Variants in ZNF394 observed in about 807,000 individuals in gnomAD.
ZNF394 encodes the protein zinc finger protein 99.
In ZNF394, 19 loss-of-function variants were observed where a neutral mutation model predicts 21.8. The observed-to-expected ratio is 0.87, with a 90% CI of 0.61 to 1.28. The LOEUF (loss-of-function observed/expected upper bound fraction) is 1.28. Ranked by LOEUF, ZNF394 falls within the 50% of genes most tolerant of loss-of-function variation. The pLI, the probability that ZNF394 is intolerant of heterozygous loss-of-function variation, is 0.00. For synonymous variants in ZNF394, 294 were observed against 273.3 expected (o/e 1.08, Z -0.75); for missense variants, 683 against 708.6 (o/e 0.96, Z 0.41).
chr7:99,492,273 A>C (rs577348213), downstream of ZNF394, among the ~76,000 whole-genome samples: 9 of 152,246 alleles, frequency 5.9e-5, no homozygotes, highest in Non-Finnish European at 1.3e-4. Context: ...TCTAAGGCCA[A>C]AGGCAAATTT....
chr7:99,490,100 A>C (rs1234995566), downstream of ZNF394, among the ~76,000 whole-genome samples: 1 of 150,812 alleles, frequency 6.6e-6, no homozygotes, highest in African/African-American at 2.4e-5. Context: ...GGATCACTTC[A>C]ACCCAGGAGT....
intron 1 of ZNF394, 32 bp downstream of exon 1, chr7:99,499,606 C>T (rs368071333): frequency 1.3e-6 from 2 of 1,530,604 alleles, no homozygotes; most frequent in African/African-American, 2.8e-5. Context: ...TTTCCACACT[C>T]CCACCTCCAG....
At chr7:99,494,946 G>T (rs528457524) in intron 2 of ZNF394, among the ~76,000 whole-genome samples, 1 of 152,056 alleles carries the variant, frequency 6.6e-6, no homozygotes, top group South Asian at 2.1e-4. Flanking sequence ...TGTTGGCCAG[G>T]ATGGTCTCTA....
chr7:99,493,497 T>A lies in ZNF394; in HGVS notation c.*32A>T. ...GTTTCAAACTCCTGATCTCAAATGA[T>A]CTGCCTGCCTTGGCCTCCCAAAGTG... On this transcript the variant is annotated 3_prime_UTR_variant, in exon 3 of 3. Transcript: ENST00000337673. The A allele has an allele frequency of 6.6e-7, 1 of 1,522,114 alleles. No individual in the cohort carries two copies. Among genetic ancestry groups the A allele is most frequent in the Non-Finnish European group, 8.9e-7 (1 of 1,126,380 alleles). 94.3% of individuals were successfully genotyped at this position (1,522,114 alleles called of 1,614,324 possible).
chr7:99,498,621 CAA>C (rs1423796516), intron 2 of ZNF394, 93 bp downstream of exon 2: 2 of 1,563,060 alleles, frequency 1.3e-6, no homozygotes, highest in Non-Finnish European at 1.7e-6. Context: ...GCTCTCAGCC[CAA>C]GTCTGGGAAT....
intron 1 of ZNF394, chr7:99,487,609 A>C (rs947294839): frequency 3.6e-5 from 42 of 1,182,346 alleles, no homozygotes; most frequent in Non-Finnish European, 4.8e-5. Flanking sequence ...TATGGGAGCC[A>C]TCTTTGTGTA....
chr7:99,497,155 T>A lies in ZNF394; in HGVS notation c.583+1561A>T, dbSNP rs865830718. ...ATATATATATATGTATATATATATATAAAATGTTTTTTCTTTTTTTTTTGA... is the reference window on the plus strand; with the variant it reads ...ATATATATATATGTATATATATATAAAAAATGTTTTTTCTTTTTTTTTTGA... On this transcript the variant is annotated intron_variant, in intron 2 of 2. Coordinates refer to ENST00000337673, the MANE Select transcript of ZNF394 (RefSeq NM_032164.4). 8.2e-3 allele frequency among the ~76,000 whole-genome samples: 1,087 copies of A among 132,454 alleles called. 26 individuals carry two copies. The highest frequency in any genetic ancestry group is 0.031 in the South Asian group (118 of 3,756). The allele number at this position is 132,454 out of a possible 152,430, so 86.9% of individuals were successfully genotyped here.
intron 1 of ZNF394, among the ~76,000 whole-genome samples, chr7:99,487,808 C>T: frequency 6.6e-6 from 1 of 151,302 alleles, no homozygotes; most frequent in South Asian, 2.1e-4. Context: ...CGCGGTGGCT[C>T]ACGCCTGTAA....
intron 2 of ZNF394, among the ~76,000 whole-genome samples, chr7:99,495,514 G>A (rs937053900): frequency 2.6e-5 from 4 of 151,122 alleles, no homozygotes; most frequent in African/African-American, 4.9e-5. Context: ...TAGTGGGGAC[G>A]AGGTTTCACC....
chr7:99,486,976 C>T (rs1217066121), intron 1 of ZNF394: 2 of 1,614,012 alleles, frequency 1.2e-6, no homozygotes, highest in Non-Finnish European at 1.7e-6. Flanking sequence ...GCAAAACAAG[C>T]CATACAGATG....
At chr7:99,496,205 G>A (rs529236199) in intron 2 of ZNF394, among the ~76,000 whole-genome samples, 2 of 151,546 alleles carry the variant, frequency 1.3e-5, no homozygotes, top group South Asian at 2.1e-4. Flanking sequence ...TTTAGTAGAC[G>A]GGGTTTTACC....
chr7:99,495,822 A>G (rs1326581276), intron 2 of ZNF394, among the ~76,000 whole-genome samples: 1 of 151,938 alleles, frequency 6.6e-6, no homozygotes, highest in Non-Finnish European at 1.5e-5. Flanking sequence ...GGGTTTCACC[A>G]TGTTGGTCAG....
chr7:99,495,868 T>C (rs1800290713), intron 2 of ZNF394, among the ~76,000 whole-genome samples: 1 of 152,108 alleles, frequency 6.6e-6, no homozygotes, highest in Non-Finnish European at 1.5e-5. Context: ...GTGATCCACC[T>C]GCCTTGGCCT....
At chr7:99,499,519 C>CACTGTGGG in intron 1 of ZNF394, 119 bp downstream of exon 1, 2 of 920,006 alleles carry the variant, frequency 2.2e-6, no homozygotes, top group East Asian at 4.9e-5. Context: ...GAAAGGAAGT[C>CACTGTGGG]CATACACACC....
chr7:99,489,579 T>C (rs901649707), downstream of ZNF394, among the ~76,000 whole-genome samples: 3 of 152,180 alleles, frequency 2.0e-5, no homozygotes, highest in African/African-American at 7.2e-5. Context: ...GGTAGATACC[T>C]CATTGGGTGA....
At chr7:99,490,376 C>A (rs566659712), downstream of ZNF394, among the ~76,000 whole-genome samples, 2 of 152,178 alleles carry the variant, frequency 1.3e-5, no homozygotes, top group East Asian at 3.9e-4. Context: ...CCAGGCTGGT[C>A]TTGAATGCCT....
intron 2 of ZNF394, chr7:99,497,928 A>T (rs1172381116): frequency 6.6e-6 from 1 of 150,592 alleles, no homozygotes; most frequent in Non-Finnish European, 1.5e-5. Context: ...AAGTCATGTG[A>T]ATGTGGTCTC....
chr7:99,497,118 G>A lies in ZNF394; in HGVS notation c.583+1598C>T, dbSNP rs200646479. Among the ~76,000 whole-genome samples, 648 of 96,664 alleles carry A rather than the reference G, an allele frequency of 6.7e-3. 11 individuals carry two copies. Among genetic ancestry groups the A allele is most frequent in the African/African-American group, 0.027 (507 of 18,500 alleles). 63.4% of individuals were successfully genotyped at this position (96,664 alleles called of 152,430 possible). Reference sequence around the variant, plus strand: ...TGTGTGTGTGTGTGTGTGTGTGTGTGTGTGTATATATATATATATATATGT... The same window carrying A: ...TGTGTGTGTGTGTGTGTGTGTGTGTATGTGTATATATATATATATATATGT... On this transcript the variant is annotated intron_variant, in intron 2 of 2. Coordinates refer to ENST00000337673, the MANE Select transcript of ZNF394 (RefSeq NM_032164.4).
At position 99,499,931 on chromosome 7, in the gene ZNF394, C is replaced by A. The variant is rs780644179; in HGVS notation, c.163G>T (p.Ala55Ser). Residue 55 changes from alanine (A) to serine (S), a missense_variant, in exon 1 of 3, where the codon GCG (alanine) becomes TCG (serine). Ala to Ser is a moderately conservative substitution (Grantham distance 99). Around this residue, in one of 3 missense-constraint regions of ZNF394, gnomAD observed 402 missense variants for 373.8 expected, o/e 1.08. Coordinates refer to ENST00000337673, the MANE Select transcript of ZNF394 (RefSeq NM_032164.4). ...GAAGTTTCGGGGTCCGGCGAAGCCG[C>A]GGGATAGTTGGGCTCCCAACTTCCG... ...SPGSWEPNYP[A>S]ASPDPETSRL... 2 of 1,614,054 alleles carry A rather than the reference C, an allele frequency of 1.2e-6. No homozygotes were observed. Among genetic ancestry groups the A allele is most frequent in the Non-Finnish European group, 1.7e-6 (2 of 1,180,034 alleles).
Sources: gnomAD v4.1 joint callset for allele counts (sites outside exome capture counted in the v4.1 genomes callset) on GRCh38, gnomAD v4.1.1 for gene constraint, gnomAD v4.1.1 regional missense constraint, MANE v1.5 for transcripts, NCBI Gene and HGNC (gene_info 2026-07-23, HGNC 2026-07-21) for gene names.